The following KCNH8 variants were observed in gnomAD, a reference collection of about 807,000 sequenced individuals.
The protein encoded by KCNH8 is voltage-gated delayed rectifier potassium channel KCNH8.
Under a neutral mutation model 103.6 loss-of-function variants are expected in KCNH8, and 70 were observed. The observed-to-expected ratio is 0.68, with a 90% confidence interval of 0.56 to 0.82. The LOEUF (loss-of-function observed/expected upper bound fraction) is 0.82, where lower values mean the gene tolerates loss of function less well. Ranked by LOEUF, KCNH8 falls within the 40% of genes least tolerant of loss-of-function variation. KCNH8 has a pLI of 0.00. For missense variants in KCNH8, 1,217 were observed against 1,329.9 expected (o/e 0.92, Z 1.32); for synonymous variants, 498 against 489.4 (o/e 1.02, Z -0.23).
At chr3:19,267,850 A>G (rs1260563182) in intron 2 of KCNH8, among the ~76,000 whole-genome samples, 2 of 152,104 alleles carry the variant, frequency 1.3e-5, no homozygotes, top group African/African-American at 4.8e-5. Flanking sequence ...ATTAACTTCA[A>G]CTTCCCGAGC....
chr3:19,342,850 A>G (rs1031797940), intron 4 of KCNH8, 136 bp downstream of exon 4: 3 of 753,138 alleles, frequency 4.0e-6, no homozygotes, highest in Non-Finnish European at 6.3e-6. Context: ...GTGCTTTTCT[A>G]TAAAGAACAA....
chr3:19,370,874 C>T (rs1259373954), intron 5 of KCNH8, among the ~76,000 whole-genome samples: 1 of 151,182 alleles, frequency 6.6e-6, no homozygotes. Context: ...GTTTTTTCTT[C>T]TTGAGATAGT....
intron 5 of KCNH8, among the ~76,000 whole-genome samples, chr3:19,350,483 G>C (rs925377046): frequency 2.0e-5 from 3 of 152,058 alleles, no homozygotes; most frequent in Non-Finnish European, 4.4e-5. Context: ...TCCCAGTAGG[G>C]GCCAACTGAC....
intron 8 of KCNH8, chr3:19,449,009 C>A: frequency 2.4e-6 from 3 of 1,272,624 alleles, no homozygotes; most frequent in Non-Finnish European, 3.1e-6. Context: ...CTGCTAATGA[C>A]TAGTGAGTGC....
chr3:19,233,551 A>C (rs899982650), intron 1 of KCNH8, among the ~76,000 whole-genome samples: 4 of 152,208 alleles, frequency 2.6e-5, no homozygotes, highest in Non-Finnish European at 5.9e-5. Flanking sequence ...ATAGATGTAC[A>C]GCAGATCCTT....
chr3:19,476,260 C>T (rs2067973489), intron 11 of KCNH8, among the ~76,000 whole-genome samples: 1 of 152,106 alleles, frequency 6.6e-6, no homozygotes, highest in African/African-American at 2.4e-5. Context: ...CAAACACTAT[C>T]TTCAACAGAC....
intron 5 of KCNH8, among the ~76,000 whole-genome samples, chr3:19,355,671 G>C (rs1010789008): frequency 1.3e-5 from 2 of 152,042 alleles, no homozygotes; most frequent in African/African-American, 4.8e-5. Context: ...CTCGTAGGTG[G>C]CAATTGAACA....
At chr3:19,395,422 A>G (rs2066501196) in intron 7 of KCNH8, 111 bp downstream of exon 7, 2 of 637,674 alleles carry the variant, frequency 3.1e-6, no homozygotes, top group Non-Finnish European at 5.2e-6. Context: ...TCTTACTATC[A>G]ATTTGTCTAA....
intron 3 of KCNH8, among the ~76,000 whole-genome samples, chr3:19,307,278 A>G (rs923302961): frequency 1.3e-5 from 2 of 152,058 alleles, no homozygotes. Flanking sequence ...AAGAAAACAA[A>G]CCAATGGCCA....
At chr3:19,433,563 A>T (rs1177832876) in intron 7 of KCNH8, among the ~76,000 whole-genome samples, 1 of 152,222 alleles carries the variant, frequency 6.6e-6, no homozygotes, top group Non-Finnish European at 1.5e-5. Flanking sequence ...AGGATCACAG[A>T]GCTACTCAAT....
chr3:19,495,021 CCTTTGCCCA>C (rs2068408773), intron 11 of KCNH8, among the ~76,000 whole-genome samples: 2 of 152,092 alleles, frequency 1.3e-5, no homozygotes, highest in African/African-American at 4.8e-5. Context: ...CTGTTCCTAT[CCTTTGCCCA>C]CTTTTTTATG....
At position 19,322,244 on chromosome 3, in the gene KCNH8, A is replaced by G. The variant is rs185029332; in HGVS notation, c.443-20343A>G. On this transcript the variant is annotated intron_variant, in intron 3 of 15. Transcript: ENST00000328405. Reference sequence around the variant, plus strand: ...TATTCATTGTGCTATTTGTTACGTGAATACCTTTTTTTTCATTCTGTTATT... The same window carrying G: ...TATTCATTGTGCTATTTGTTACGTGGATACCTTTTTTTTCATTCTGTTATT... Among the ~76,000 whole-genome samples the G allele has an allele frequency of 2.0e-5, 3 of 152,100 alleles. No homozygotes were observed. In the East Asian group the frequency reaches 5.8e-4, roughly 29 times the overall value.
At chr3:19,248,975 G>C (rs1445940451) in intron 1 of KCNH8, among the ~76,000 whole-genome samples, 1 of 152,118 alleles carries the variant, frequency 6.6e-6, no homozygotes, top group East Asian at 1.9e-4. Flanking sequence ...TAGAGAAATA[G>C]TCAGCTGCCT....
Position 19,342,594 on chromosome 3 carries a change from C to T in KCNH8, c.450C>T (p.Val150=), listed in dbSNP as rs1286628492. 1.2e-6 allele frequency: 2 copies of T among 1,609,526 alleles called. No homozygotes were observed. The highest frequency in any genetic ancestry group is 1.3e-5 in the African/African-American group (1 of 74,670). ...ITPEDKKEDK[V]KGRSRAGTHF... is the part of the protein sequence containing the mutation. ...AGTTTTATTTTCCCCCAGACAAAGT[C>T]AAAGGAAGATCAAGAGCAGGGACCC... The change falls in exon 4 of 16, where the codon GTC becomes GTT. Residue 150 remains valine (V), a synonymous_variant. Coordinates refer to ENST00000328405, the MANE Select transcript of KCNH8 (RefSeq NM_144633.3).
intron 1 of KCNH8, among the ~76,000 whole-genome samples, chr3:19,246,425 TGCCACCATGCCCA>T (rs1175058868): frequency 6.6e-6 from 1 of 151,530 alleles, no homozygotes; most frequent in Non-Finnish European, 1.5e-5. Flanking sequence ...TACAGGCACG[TGCCACCATGCCCA>T]GCTAATTTTT....
intron 7 of KCNH8, among the ~76,000 whole-genome samples, chr3:19,420,261 A>G (rs1257337501): frequency 6.6e-6 from 1 of 152,208 alleles, no homozygotes; most frequent in African/African-American, 2.4e-5. Context: ...TTAAATGACT[A>G]TGGTAGCTTA....
chr3:19,191,727 C>T (rs1047204690), intron 1 of KCNH8, among the ~76,000 whole-genome samples: 8 of 151,682 alleles, frequency 5.3e-5, no homozygotes, highest in South Asian at 2.1e-4. Context: ...CTGCATTCTG[C>T]GGGGAGGTCC....
At chr3:19,151,428 C>T (rs2063128563) in intron 1 of KCNH8, among the ~76,000 whole-genome samples, 1 of 151,586 alleles carries the variant, frequency 6.6e-6, no homozygotes, top group African/African-American at 2.4e-5. Context: ...ATGCTAGTTT[C>T]TTATTTTATT....
chr3:19,532,373 T>G (rs908597657), intron 15 of KCNH8, among the ~76,000 whole-genome samples: 4 of 152,210 alleles, frequency 2.6e-5, no homozygotes, highest in African/African-American at 9.6e-5. Flanking sequence ...TTACGCACCT[T>G]GCAGGTCTTT....
Sources: allele counts gnomAD v4.1 joint callset (sites outside exome capture counted in the v4.1 genomes callset), GRCh38; gene constraint gnomAD v4.1.1; transcripts MANE v1.5; gene names NCBI Gene and HGNC (gene_info 2026-07-23, HGNC 2026-07-21).